The following PCDHGA2 variants were observed in gnomAD, a reference collection of about 807,000 sequenced individuals.
The protein encoded by PCDHGA2 is protocadherin gamma-A2.
In PCDHGA2, 40 loss-of-function variants were observed where a neutral mutation model predicts 59.2. The observed-to-expected ratio is 0.68, with a 90% confidence interval of 0.52 to 0.88. The LOEUF (loss-of-function observed/expected upper bound fraction) is 0.88, where lower values mean the gene tolerates loss of function less well. Ranked by LOEUF, PCDHGA2 falls within the 40% of genes least tolerant of loss-of-function variation. The pLI is 0.00. For missense variants in PCDHGA2, 1,226 were observed against 1,204.0 expected (o/e 1.02, Z -0.27); for synonymous variants, 560 against 526.0 (o/e 1.06, Z -0.89).
intron 1 of PCDHGA2, chr5:141,375,888 C>T (rs1049224011): frequency 6.2e-7 from 1 of 1,613,700 alleles, no homozygotes; most frequent in Non-Finnish European, 8.5e-7. Flanking sequence ...GGCCAGAACG[C>T]CTGGCTGTCC....
intron 1 of PCDHGA2, among the ~76,000 whole-genome samples, chr5:141,459,324 T>G (rs2098966238): frequency 6.6e-6 from 1 of 152,226 alleles, no homozygotes; most frequent in African/African-American, 2.4e-5. Flanking sequence ...ATCCATCTTC[T>G]TTTACTCCAA....
chr5:141,346,554 G>T, intron 1 of PCDHGA2: 1 of 1,507,300 alleles, frequency 6.6e-7, no homozygotes, highest in Non-Finnish European at 9.0e-7. Context: ...AAAGCCATGA[G>T]GTTGTCATTA....
rs1759889297 is a variant in PCDHGA2 at position 141,355,529 on chromosome 5, T to C, written c.2424+14134T>C. ...TGTGTGACAAACCTGGAGATTCTTC[T>C]AGAAGATACAGTGAAGATTTTGCGG... On this transcript the variant is annotated intron_variant, in intron 1 of 3. Coordinates refer to ENST00000394576, the MANE Select transcript of PCDHGA2 (RefSeq NM_018915.4). 5 of 1,614,052 alleles carry C rather than the reference T, an allele frequency of 3.1e-6. No individual in the cohort carries two copies. The South Asian group carries it at 4.4e-5, about 14-fold the overall frequency.
intron 1 of PCDHGA2, among the ~76,000 whole-genome samples, chr5:141,470,997 A>G (rs905897657): frequency 3.8e-4 from 57 of 150,462 alleles, no homozygotes; most frequent in African/African-American, 1.3e-3. Flanking sequence ...GACTACAGGC[A>G]TGAGCCACTG....
chr5:141,388,686 GA>G, intron 1 of PCDHGA2: 1 of 1,613,980 alleles, frequency 6.2e-7, no homozygotes, highest in Non-Finnish European at 8.5e-7. Context: ...GACTGCCACG[GA>G]CCAGGATGAG....
chr5:141,346,496 T>C, intron 1 of PCDHGA2: 1 of 1,611,764 alleles, frequency 6.2e-7, no homozygotes, highest in Non-Finnish European at 8.5e-7. Flanking sequence ...AGAACAAATA[T>C]GAGAATGTGG....
chr5:141,340,598 A>G lies in PCDHGA2; in HGVS notation c.1627A>G (p.Ser543Gly). The G allele has an allele frequency of 6.2e-7, 1 of 1,614,206 alleles. No homozygotes were observed. Among genetic ancestry groups the G allele is most frequent in the Non-Finnish European group, 8.5e-7 (1 of 1,180,030 alleles). Residue 543 changes from serine (S) to glycine (G), a missense_variant, in exon 1 of 4, where the codon AGT becomes GGT. Ser to Gly is a moderately conservative substitution (Grantham distance 56, BLOSUM62 0). Transcript: ENST00000394576. ...GCGGGACAGCGGGAACCCTCCACTC[A>G]GTAGCAATGTATCATTAAGCCTGTT... ...IARDSGNPPL[S>G]SNVSLSLFVL...
At chr5:141,365,213 G>A in intron 1 of PCDHGA2, 1 of 1,613,930 alleles carries the variant, frequency 6.2e-7, no homozygotes, top group Non-Finnish European at 8.5e-7. Flanking sequence ...TTTCCAACTT[G>A]ATTCCAACCT....
rs779287151 is a variant in PCDHGA2, at chr5:141,384,468, G to A, written c.2424+43073G>A. 8.7e-6 allele frequency: 14 copies of A among 1,613,988 alleles called. No homozygotes were observed. The Admixed American group carries it at 2.0e-4, about 23-fold the overall frequency. On this transcript the variant is annotated intron_variant, in intron 1 of 3. Coordinates refer to ENST00000394576, the MANE Select transcript of PCDHGA2 (RefSeq NM_018915.4). ...ACGCGCTGCAATCCTTTGATTATGA[G>A]CAGTTGAGAGAACTACAACTAAGAG...
chr5:141,357,280 G>T (rs375096659), intron 1 of PCDHGA2: 9 of 1,613,820 alleles, frequency 5.6e-6, no homozygotes, highest in Non-Finnish European at 7.6e-6. Context: ...ACTCTATCTC[G>T]TGGTGGCAGT....
intron 1 of PCDHGA2, chr5:141,399,734 C>T: frequency 6.2e-7 from 1 of 1,613,338 alleles, no homozygotes; most frequent in Non-Finnish European, 8.5e-7. Context: ...CAGGGCTCGC[C>T]TGCGCTCAGC....
intron 1 of PCDHGA2, chr5:141,428,330 T>C: frequency 1.6e-6 from 1 of 628,558 alleles, no homozygotes; most frequent in Non-Finnish European, 2.9e-6. Flanking sequence ...TTGATTTCTA[T>C]GCTCTTCTTC....
intron 1 of PCDHGA2, chr5:141,399,616 C>G (rs777443975): frequency 6.2e-7 from 1 of 1,613,962 alleles, no homozygotes. Flanking sequence ...GCCTCTGGCA[C>G]TGGCCTCTTA....
chr5:141,364,354 G>C (rs1256054518), intron 1 of PCDHGA2: 1 of 1,554,444 alleles, frequency 6.4e-7, no homozygotes, highest in Non-Finnish European at 8.7e-7. Context: ...CTAGGGGCTG[G>C]GGCTGCGGAG....
intron 1 of PCDHGA2, chr5:141,421,126 T>G: frequency 1.2e-6 from 1 of 805,588 alleles, no homozygotes; most frequent in Non-Finnish European, 1.9e-6. Context: ...CTTCGCTTTC[T>G]GATATATTTT....
rs554119295 is a variant in PCDHGA2 at position 141,482,963 on chromosome 5, C to T, written c.2425-11844C>T. 1.7e-4 allele frequency among the ~76,000 whole-genome samples: 10 copies of T among 57,958 alleles called. No homozygotes were observed. In the South Asian group the frequency reaches 4.5e-3, roughly 26 times the overall value. 38.0% of individuals were successfully genotyped at this position (57,958 alleles called of 152,430 possible). On this transcript the variant is annotated intron_variant, in intron 1 of 3. Coordinates refer to ENST00000394576, the MANE Select transcript of PCDHGA2 (RefSeq NM_018915.4). The stretch of plus-strand genomic sequence containing the variant: ...TTGTGGGTGCCTGTAATTCCAGCTA[C>T]TTGAGCAGCTACTTGAGAGGTCGAG...
At chr5:141,425,827 T>C (rs2096896512) in intron 1 of PCDHGA2, among the ~76,000 whole-genome samples, 1 of 152,226 alleles carries the variant, frequency 6.6e-6, no homozygotes, top group South Asian at 2.1e-4. Context: ...AAACAAACTT[T>C]TAAATTCTCT....
At chr5:141,464,923 A>G (rs544281066) in intron 1 of PCDHGA2, among the ~76,000 whole-genome samples, 3 of 151,406 alleles carry the variant, frequency 2.0e-5, no homozygotes, top group Non-Finnish European at 4.4e-5. Flanking sequence ...ATTTTTTTGT[A>G]GAGATGTGAG....
chr5:141,376,676 G>GTCTTTTTTT (rs1773033495), intron 1 of PCDHGA2: 1 of 275,812 alleles, frequency 3.6e-6, no homozygotes, highest in Admixed American at 6.8e-5. Context: ...TGAGGGTATC[G>GTCTTTTTTT]TTTTTTTTTT....
Sources: gnomAD v4.1 joint callset for allele counts (sites outside exome capture counted in the v4.1 genomes callset) on GRCh38, gnomAD v4.1.1 for gene constraint, MANE v1.5 for transcripts, NCBI Gene and HGNC (gene_info 2026-07-23, HGNC 2026-07-21) for gene names.